The following WWOX variants were observed in gnomAD, a reference collection of about 807,000 sequenced individuals.
WWOX encodes the protein WW domain-containing oxidoreductase.
In WWOX, 69 loss-of-function variants were observed where a neutral mutation model predicts 46.2. That is an observed-to-expected ratio of 1.49 (90% CI 1.23 to 1.82). The LOEUF is 1.82. WWOX is among the 40% of genes most tolerant of loss of function. The pLI is 0.00. For missense variants in WWOX, 919 were observed against 542.6 expected (o/e 1.69, Z -6.89); for synonymous variants, 359 against 202.6 (o/e 1.77, Z -6.56).
intron 5 of WWOX, among the ~76,000 whole-genome samples, chr16:78,211,250 A>C (rs982839759): frequency 2.6e-5 from 4 of 152,324 alleles, no homozygotes; most frequent in Non-Finnish European, 5.9e-5. Flanking sequence ...AGGCGATGGT[A>C]GAACCGCTGG....
intron 8 of WWOX, among the ~76,000 whole-genome samples, chr16:78,669,197 TC>T (rs1240473519): frequency 6.6e-6 from 1 of 152,066 alleles, no homozygotes; most frequent in Admixed American, 6.6e-5. Flanking sequence ...CTTCACACAC[TC>T]CCTTGCTAAG....
chr16:78,734,591 A>G (rs1009258371), intron 8 of WWOX, among the ~76,000 whole-genome samples: 1 of 152,074 alleles, frequency 6.6e-6, no homozygotes, highest in African/African-American at 2.4e-5. Flanking sequence ...CCTGATGGTT[A>G]GTTTCCTGTT....
At chr16:78,381,344 A>G (rs2081953407) in intron 5 of WWOX, among the ~76,000 whole-genome samples, 2 of 152,234 alleles carry the variant, frequency 1.3e-5, no homozygotes, top group South Asian at 2.1e-4. Context: ...GAATAGATGA[A>G]GAAGACTTAG....
At chr16:78,792,541 G>A (rs7190061) in intron 8 of WWOX, among the ~76,000 whole-genome samples, 2,815 of 152,248 alleles carry the variant, frequency 0.018, 68 homozygotes, top group East Asian at 0.053. Flanking sequence ...TAAGGGGTTC[G>A]TAAAAACTTA....
At chr16:78,888,128 G>A (rs896543268) in intron 8 of WWOX, among the ~76,000 whole-genome samples, 3 of 152,136 alleles carry the variant, frequency 2.0e-5, no homozygotes, top group Non-Finnish European at 4.4e-5. Context: ...TAGTGTCAGT[G>A]CCATTTACAA....
At chr16:78,532,194 T>G (rs1166163288) in intron 8 of WWOX, among the ~76,000 whole-genome samples, 1 of 152,128 alleles carries the variant, frequency 6.6e-6, no homozygotes, top group Non-Finnish European at 1.5e-5. Context: ...AAATCATGTT[T>G]TTATTGAATT....
At chr16:79,029,477 G>A (rs888297626) in intron 8 of WWOX, among the ~76,000 whole-genome samples, 1 of 152,190 alleles carries the variant, frequency 6.6e-6, no homozygotes, top group Non-Finnish European at 1.5e-5. Flanking sequence ...TTACTCATCT[G>A]AAGTTATACT....
chr16:79,115,973 G>C (rs1483684919), intron 8 of WWOX, among the ~76,000 whole-genome samples: 1 of 152,144 alleles, frequency 6.6e-6, no homozygotes, highest in Non-Finnish European at 1.5e-5. Context: ...ATCTCAATAA[G>C]GCAAGTCACA....
intron 8 of WWOX, among the ~76,000 whole-genome samples, chr16:78,490,459 ATTG>A (rs1437010617): frequency 6.6e-6 from 1 of 152,146 alleles, no homozygotes; most frequent in Non-Finnish European, 1.5e-5. Flanking sequence ...TCTTGTGATC[ATTG>A]TTGTAGTTCC....
At chr16:78,616,994 G>T (rs1183239250) in intron 8 of WWOX, among the ~76,000 whole-genome samples, 1 of 152,178 alleles carries the variant, frequency 6.6e-6, no homozygotes, top group Non-Finnish European at 1.5e-5. Context: ...CATGATCTGA[G>T]AAGACACAAA....
chr16:78,809,887 C>T (rs940507093), intron 8 of WWOX, among the ~76,000 whole-genome samples: 9 of 152,164 alleles, frequency 5.9e-5, no homozygotes, highest in African/African-American at 2.4e-5. Flanking sequence ...TATGAGCTTT[C>T]CCTCCTCCCG....
chr16:78,146,737 A>C lies in WWOX; in HGVS notation c.410-17446A>C, dbSNP rs982236606. Among the ~76,000 whole-genome samples, 3 of 152,182 alleles carry C rather than the reference A, an allele frequency of 2.0e-5. No individual in the cohort carries two copies. In the South Asian group the frequency reaches 6.2e-4, roughly 32 times the overall value. ...AAGTGATGGAGAATTTCTTTTACCAATTGTATGCCCTGTGGGAACCTGGGT... is the reference window on the plus strand; with the variant it reads ...AAGTGATGGAGAATTTCTTTTACCACTTGTATGCCCTGTGGGAACCTGGGT... On this transcript the variant is annotated intron_variant, in intron 4 of 8. Transcript: ENST00000566780.
In WWOX at chr16:78,817,172, CTTTTTTTTTTT is replaced by C. The variant is rs33981779; in HGVS notation, c.1056+384437_1056+384447del. Among the ~76,000 whole-genome samples, 259 of 51,606 alleles carry C rather than the reference CTTTTTTTTTTT, an allele frequency of 5.0e-3. 1 individual carries two copies. The highest frequency in any genetic ancestry group is 7.0e-3 in the Non-Finnish European group (205 of 29,106). The allele number at this position is 51,606 out of a possible 152,430, so 33.9% of individuals were successfully genotyped here. A position where few individuals can be genotyped will look rare whatever the true frequency, so the allele number is the denominator to read the frequency against. ...GTTTTTCTTAAACATTAGTGCTATT[CTTTTTTTTTTT>C]TTTTTTTTTTTTTTTTCCTTCTTCA... is the stretch of plus-strand genomic sequence containing the variant. On this transcript the variant is annotated intron_variant, in intron 8 of 8. Transcript: ENST00000566780.
At chr16:78,414,945 T>G (rs1373372739) in intron 6 of WWOX, among the ~76,000 whole-genome samples, 2 of 152,002 alleles carry the variant, frequency 1.3e-5, no homozygotes, top group African/African-American at 4.8e-5. Context: ...GGTGAGTCTA[T>G]AAAATTAAAG....
chr16:79,155,275 C>A (rs983578577), intron 8 of WWOX, among the ~76,000 whole-genome samples: 1 of 152,060 alleles, frequency 6.6e-6, no homozygotes, highest in Non-Finnish European at 1.5e-5. Context: ...ACTCGGGAGG[C>A]CGAGGCAGGA....
In WWOX at chr16:78,711,709, T is replaced by C. The variant is rs147153523; in HGVS notation, c.1056+278957T>C. ...ATAAGGGGACGCAGCACAGTTTGAA[T>C]ATAAGTGTTCCCTCCAATTCCCATG... On this transcript the variant is annotated intron_variant, in intron 8 of 8. Transcript: ENST00000566780. 3.3e-3 allele frequency among the ~76,000 whole-genome samples: 499 copies of C among 152,278 alleles called. 1 individual carries two copies. The highest frequency in any genetic ancestry group is 0.011 in the African/African-American group (453 of 41,564).
intron 8 of WWOX, among the ~76,000 whole-genome samples, chr16:78,858,346 G>GTGTC (rs1178022873): frequency 1.3e-5 from 2 of 151,250 alleles, no homozygotes; most frequent in African/African-American, 4.9e-5. Flanking sequence ...GTGTGTGTGT[G>GTGTC]TATGTATATA....
intron 8 of WWOX, among the ~76,000 whole-genome samples, chr16:78,800,942 T>C (rs1597633121): frequency 1.2e-5 from 1 of 84,146 alleles, no homozygotes; most frequent in South Asian, 5.1e-4. Flanking sequence ...AAATGGAAGT[T>C]TCGAAAAACA....
At chr16:78,527,077 T>C (rs1043093390) in intron 8 of WWOX, among the ~76,000 whole-genome samples, 1 of 151,984 alleles carries the variant, frequency 6.6e-6, no homozygotes, top group Admixed American at 6.5e-5. Context: ...GGCAGGAGAA[T>C]CGCTTGAACC....
Sources: gnomAD v4.1 joint callset for allele counts (sites outside exome capture counted in the v4.1 genomes callset) on GRCh38, gnomAD v4.1.1 for gene constraint, MANE v1.5 for transcripts, NCBI Gene and HGNC (gene_info 2026-07-23, HGNC 2026-07-21) for gene names.